Variants in LRRTM4 observed in about 807,000 individuals in gnomAD.
LRRTM4 encodes leucine-rich repeat transmembrane neuronal protein 4.
In LRRTM4, 25 loss-of-function variants were observed where a neutral mutation model predicts 47.6. The ratio of observed to expected loss-of-function variants is 0.53; its 90% confidence interval spans 0.38 to 0.73. The LOEUF (loss-of-function observed/expected upper bound fraction) is 0.73. LRRTM4 is among the 30% of genes least tolerant of loss of function. The pLI, the probability that LRRTM4 is intolerant of heterozygous loss-of-function variation, is 0.00. For synonymous variants in LRRTM4, 311 were observed against 269.5 expected (o/e 1.15, Z -1.51); for missense variants, 638 against 713.4 (o/e 0.89, Z 1.20).
At chr2:76,850,384 C>G (rs185519990) in intron 3 of LRRTM4, among the ~76,000 whole-genome samples, 7 of 152,162 alleles carry the variant, frequency 4.6e-5, no homozygotes, top group Non-Finnish European at 8.8e-5. Flanking sequence ...TGTGGGAACA[C>G]TGCATTAGAA....
intron 3 of LRRTM4, among the ~76,000 whole-genome samples, chr2:76,780,988 C>G (rs1302037110): frequency 2.0e-5 from 3 of 152,374 alleles, no homozygotes; most frequent in Admixed American, 6.5e-5. Flanking sequence ...AGAGAGGACC[C>G]TCAGCTGCAG....
intron 3 of LRRTM4, among the ~76,000 whole-genome samples, chr2:77,428,830 T>C (rs1037571984): frequency 6.6e-6 from 1 of 152,208 alleles, no homozygotes; most frequent in African/African-American, 2.4e-5. Context: ...TGTGATTAAG[T>C]AGAATCCTTT....
At chr2:76,794,701 AGTGACATTT>A (rs1206270784) in intron 3 of LRRTM4, among the ~76,000 whole-genome samples, 35 of 152,044 alleles carry the variant, frequency 2.3e-4, no homozygotes, top group Non-Finnish European at 2.9e-5. Flanking sequence ...ACTTGACATT[AGTGACATTT>A]TTCACTGGCT....
intron 3 of LRRTM4, among the ~76,000 whole-genome samples, chr2:76,974,592 CA>C (rs1318287021): frequency 6.6e-6 from 1 of 151,180 alleles, no homozygotes; most frequent in African/African-American, 2.4e-5. Context: ...AATAACTATC[CA>C]AGTATATATC....
At chr2:77,104,809 T>C (rs1274240457) in intron 3 of LRRTM4, among the ~76,000 whole-genome samples, 2 of 152,168 alleles carry the variant, frequency 1.3e-5, no homozygotes, top group Admixed American at 6.5e-5. Flanking sequence ...TTTCAACCAC[T>C]CATTGTTCAC....
intron 3 of LRRTM4, among the ~76,000 whole-genome samples, chr2:76,881,575 A>C (rs1672930687): frequency 6.6e-6 from 1 of 150,474 alleles, no homozygotes; most frequent in Non-Finnish European, 1.5e-5. Context: ...TTGTTTTGGT[A>C]ATCTTAACAG....
intron 3 of LRRTM4, among the ~76,000 whole-genome samples, chr2:77,245,919 T>C (rs1026952324): frequency 8.5e-5 from 13 of 152,130 alleles, no homozygotes; most frequent in Non-Finnish European, 1.3e-4. Flanking sequence ...CAGGAGAAAA[T>C]AGAGATTTTG....
At chr2:77,474,890 T>C (rs1677326388) in intron 3 of LRRTM4, among the ~76,000 whole-genome samples, 1 of 152,134 alleles carries the variant, frequency 6.6e-6, no homozygotes, top group Admixed American at 6.5e-5. Flanking sequence ...ATATATTTAA[T>C]ATTTTTACAA....
At chr2:77,081,247 AACACACACACACACAC>A (rs58897041) in intron 3 of LRRTM4, among the ~76,000 whole-genome samples, 77 of 139,990 alleles carry the variant, frequency 5.5e-4, no homozygotes, top group Admixed American at 1.3e-3. Flanking sequence ...ACCTGACAGC[AACACACACACACACAC>A]ACACACACAC....
chr2:76,788,449 A>G (rs1674794809), intron 3 of LRRTM4, among the ~76,000 whole-genome samples: 1 of 152,208 alleles, frequency 6.6e-6, no homozygotes, highest in Admixed American at 6.5e-5. Context: ...GCTTTAACAC[A>G]AGGTCACGTT....
intron 3 of LRRTM4, among the ~76,000 whole-genome samples, chr2:77,343,448 T>C (rs1183175298): frequency 1.3e-5 from 2 of 152,012 alleles, no homozygotes; most frequent in African/African-American, 4.8e-5. Flanking sequence ...TGAAGACTAG[T>C]TGCTCTGAAC....
chr2:77,182,045 A>AT (rs1269611000), intron 3 of LRRTM4, among the ~76,000 whole-genome samples: 3 of 152,220 alleles, frequency 2.0e-5, no homozygotes, highest in East Asian at 3.8e-4. Flanking sequence ...CAGAAATGCC[A>AT]TTTGACCTAG....
intron 3 of LRRTM4, among the ~76,000 whole-genome samples, chr2:77,508,435 G>T (rs992069812): frequency 2.6e-5 from 4 of 152,090 alleles, no homozygotes; most frequent in African/African-American, 9.7e-5. Context: ...TAGTTCCATA[G>T]TGCATAATCA....
chr2:77,027,260 T>C (rs962895774), intron 3 of LRRTM4, among the ~76,000 whole-genome samples: 1 of 152,122 alleles, frequency 6.6e-6, no homozygotes, highest in Non-Finnish European at 1.5e-5. Flanking sequence ...CAATTTTTAA[T>C]GGGGAAATAG....
chr2:77,110,566 T>C (rs1464366403), intron 3 of LRRTM4, among the ~76,000 whole-genome samples: 1 of 152,210 alleles, frequency 6.6e-6, no homozygotes, highest in Non-Finnish European at 1.5e-5. Flanking sequence ...TATAATTTTG[T>C]TGAAGTTGTG....
chr2:76,969,603 C>G (rs1676150282), intron 3 of LRRTM4, among the ~76,000 whole-genome samples: 1 of 151,816 alleles, frequency 6.6e-6, no homozygotes. Flanking sequence ...AAGCTTTGCA[C>G]TTTCCATAAT....
chr2:76,901,153 G>A (rs979023756), intron 3 of LRRTM4, among the ~76,000 whole-genome samples: 1 of 151,994 alleles, frequency 6.6e-6, no homozygotes, highest in African/African-American at 2.4e-5. Context: ...CATCACATAG[G>A]TACTAAGCCT....
At chr2:77,114,078 C>T (rs903689485) in intron 3 of LRRTM4, among the ~76,000 whole-genome samples, 13 of 151,952 alleles carry the variant, frequency 8.6e-5, no homozygotes, top group South Asian at 4.2e-4. Flanking sequence ...TAACGAAGGC[C>T]CCGTGGGAGA....
At chr2:77,429,074 A>G (rs1393111821) in intron 3 of LRRTM4, among the ~76,000 whole-genome samples, 2 of 152,186 alleles carry the variant, frequency 1.3e-5, no homozygotes, top group Non-Finnish European at 2.9e-5. Context: ...GTGGGAGTAC[A>G]CAGTAAATTA....
Sources: allele counts gnomAD v4.1 joint callset (sites outside exome capture counted in the v4.1 genomes callset), GRCh38; gene constraint gnomAD v4.1.1; transcripts MANE v1.5; gene names NCBI Gene and HGNC (gene_info 2026-07-23, HGNC 2026-07-21).